Variants in LYPLAL1 observed in about 807,000 individuals in gnomAD.
LYPLAL1 encodes lysophospholipase-like protein 1.
Under a neutral mutation model 19.7 loss-of-function variants are expected in LYPLAL1, and 23 were observed. The ratio of observed to expected loss-of-function variants is 1.17; its 90% confidence interval spans 0.84 to 1.65. LYPLAL1 has a LOEUF of 1.65. LYPLAL1 is among the 40% of genes most tolerant of loss of function. The pLI is 0.00. For synonymous variants in LYPLAL1, 119 were observed against 96.3 expected (o/e 1.24, Z -1.38); for missense variants, 355 against 279.4 (o/e 1.27, Z -1.93).
intron 3 of LYPLAL1, among the ~76,000 whole-genome samples, chr1:219,195,045 T>A (rs964117424): frequency 6.6e-6 from 1 of 151,950 alleles, no homozygotes; most frequent in African/African-American, 2.4e-5. Context: ...AAATCTACAG[T>A]CCACCACTTC....
At chr1:219,361,420 A>G in the LYPLAL1 span, among the ~76,000 whole-genome samples, 1 of 152,122 alleles carries the variant, frequency 6.6e-6, no homozygotes, top group Non-Finnish European at 1.5e-5. Context: ...CAAACCACCT[A>G]TTGGAACAGC....
the LYPLAL1 span, among the ~76,000 whole-genome samples, chr1:219,326,356 A>T: frequency 6.6e-6 from 1 of 152,140 alleles, no homozygotes; most frequent in African/African-American, 2.4e-5. Context: ...AACAGCCACA[A>T]GAATTTTCTT....
At chr1:219,377,804 A>G in the LYPLAL1 span, among the ~76,000 whole-genome samples, 1 of 152,196 alleles carries the variant, frequency 6.6e-6, no homozygotes, top group Non-Finnish European at 1.5e-5. Context: ...CAAATTCGTA[A>G]TTTTTCATAT....
chr1:219,385,863 T>A, the LYPLAL1 span, among the ~76,000 whole-genome samples: 1 of 152,178 alleles, frequency 6.6e-6, no homozygotes, highest in Non-Finnish European at 1.5e-5. Context: ...AATTGCTTCA[T>A]CTATTTTTTT....
At chr1:219,229,774 C>T in the LYPLAL1 span, among the ~76,000 whole-genome samples, 6 of 152,210 alleles carry the variant, frequency 3.9e-5, no homozygotes, top group South Asian at 1.0e-3. Context: ...AAGAAACGAG[C>T]CACACCCTCA....
the LYPLAL1 span, among the ~76,000 whole-genome samples, chr1:219,441,297 G>A: frequency 6.6e-6 from 1 of 152,118 alleles, no homozygotes. Context: ...CTATCATTAG[G>A]TAGGATAATG....
At chr1:219,230,363 G>T in the LYPLAL1 span, among the ~76,000 whole-genome samples, 2 of 152,080 alleles carry the variant, frequency 1.3e-5, no homozygotes, top group Admixed American at 6.6e-5. Flanking sequence ...CGCCTACCTC[G>T]GTCTCCCAAA....
At chr1:219,418,505 T>C in the LYPLAL1 span, among the ~76,000 whole-genome samples, 2 of 152,198 alleles carry the variant, frequency 1.3e-5, no homozygotes, top group Admixed American at 6.5e-5. Flanking sequence ...AGAGCAGTGT[T>C]GGGTTAACAG....
chr1:219,382,201 C>T, the LYPLAL1 span, among the ~76,000 whole-genome samples: 1 of 152,210 alleles, frequency 6.6e-6, no homozygotes, highest in Non-Finnish European at 1.5e-5. Context: ...GACTCTACAT[C>T]TCAGTGTTTC....
chr1:219,175,276 A>T (rs1373286791), intron 1 of LYPLAL1, among the ~76,000 whole-genome samples: 2 of 152,022 alleles, frequency 1.3e-5, no homozygotes, highest in Non-Finnish European at 2.9e-5. Context: ...ATTGTTTTGG[A>T]GATAGGGAAG....
chr1:219,176,602 C>T (rs1200372894), intron 1 of LYPLAL1, among the ~76,000 whole-genome samples: 1 of 152,196 alleles, frequency 6.6e-6, no homozygotes, highest in African/African-American at 2.4e-5. Flanking sequence ...CTTTTGCAGA[C>T]TCATCCTCCT....
the LYPLAL1 span, among the ~76,000 whole-genome samples, chr1:219,230,237 C>G: frequency 6.6e-6 from 1 of 152,084 alleles, no homozygotes; most frequent in East Asian, 1.9e-4. Context: ...CTCAGCCTCC[C>G]GAGCAGCTGG....
At chr1:219,295,406 T>C in the LYPLAL1 span, among the ~76,000 whole-genome samples, 1 of 152,176 alleles carries the variant, frequency 6.6e-6, no homozygotes, top group African/African-American at 2.4e-5. Flanking sequence ...TTTGCTATTT[T>C]TTGGGTTTAG....
chr1:219,397,438 G>T, the LYPLAL1 span, among the ~76,000 whole-genome samples: 2 of 152,080 alleles, frequency 1.3e-5, no homozygotes, highest in East Asian at 1.9e-4. Flanking sequence ...GATGAGTTAG[G>T]GAGGAATTCT....
At chr1:219,368,902 A>G in the LYPLAL1 span, among the ~76,000 whole-genome samples, 1 of 152,242 alleles carries the variant, frequency 6.6e-6, no homozygotes, top group Non-Finnish European at 1.5e-5. Flanking sequence ...TGATTTTACT[A>G]TCACAAACCT....
chr1:219,328,108 A>G, the LYPLAL1 span, among the ~76,000 whole-genome samples: 1 of 152,188 alleles, frequency 6.6e-6, no homozygotes, highest in Admixed American at 6.5e-5. Context: ...TTACTTCTCT[A>G]ACCCAGACCA....
chr1:219,195,337 A>G (rs1045814862), intron 3 of LYPLAL1, among the ~76,000 whole-genome samples: 3 of 150,082 alleles, frequency 2.0e-5, no homozygotes, highest in Admixed American at 6.7e-5. Flanking sequence ...GAAGTCTGAC[A>G]TGGAGAAACC....
the LYPLAL1 span, among the ~76,000 whole-genome samples, chr1:219,436,265 C>T: frequency 2.0e-5 from 3 of 152,208 alleles, no homozygotes; most frequent in African/African-American, 7.2e-5. Flanking sequence ...GGGATAGCCA[C>T]TTTATGTCTT....
chr1:219,414,221 C>T, the LYPLAL1 span, among the ~76,000 whole-genome samples: 2 of 152,146 alleles, frequency 1.3e-5, no homozygotes, highest in African/African-American at 4.8e-5. Flanking sequence ...GCAATAAATG[C>T]CAGCATTAAG....
Sources: allele counts gnomAD v4.1 joint callset (sites outside exome capture counted in the v4.1 genomes callset), GRCh38; gene constraint gnomAD v4.1.1; transcripts MANE v1.5; gene names NCBI Gene and HGNC (gene_info 2026-07-23, HGNC 2026-07-21).